TDRD9: variants seen among roughly 807,000 people sequenced by gnomAD.
TDRD9 encodes tudor domain containing 9.
Under a neutral mutation model 172.6 loss-of-function variants are expected in TDRD9, and 124 were observed. That is an observed-to-expected ratio of 0.72 (90% CI 0.62 to 0.83). The LOEUF (loss-of-function observed/expected upper bound fraction) is 0.83, where lower values mean the gene tolerates loss of function less well. Ranked by LOEUF, TDRD9 falls within the 40% of genes least tolerant of loss-of-function variation. The pLI is 0.00. For synonymous variants in TDRD9, 619 were observed against 617.1 expected, an observed-to-expected ratio of 1.00 and a Z score of -0.05; for missense variants, 1,479 against 1,714.1, an observed-to-expected ratio of 0.86 and a Z score of 2.42.
Position 103,986,318 on chromosome 14 carries a change from T to G in TDRD9, c.1113T>G (p.Ser371Arg). 6.2e-7 allele frequency: 1 copy of G among 1,600,334 alleles called. No homozygotes were observed. Residue 371 changes from serine to arginine, a missense_variant and splice_region_variant, in exon 8 of 36, where the codon AGT becomes AGG. By Grantham distance (110) the Ser-to-Arg change is moderately radical. Coordinates refer to ENST00000409874, the MANE Select transcript of TDRD9 (RefSeq NM_153046.3). The stretch of plus-strand genomic sequence containing the variant: ...TTGATGACTTGGATATGAAGGAGAG[T>G]GGGTAAGAGATACTTCAGTTGGTAA... ...QMFDDLDMKE[S>R]GNKAWSGAQF...
chr14:104,026,323 T>C (rs1048343091), intron 27 of TDRD9, among the ~76,000 whole-genome samples, 187 bp downstream of exon 27: 26 of 152,204 alleles, frequency 1.7e-4, no homozygotes, highest in Non-Finnish European at 3.5e-4. Context: ...CATGAAAGGA[T>C]TCAGATTTAG....
chr14:104,047,688 G>C (rs2035821816), intron 34 of TDRD9, among the ~76,000 whole-genome samples: 1 of 152,130 alleles, frequency 6.6e-6, no homozygotes, highest in Non-Finnish European at 1.5e-5. Context: ...TTGAGGCTCT[G>C]GTCACTCTTC....
rs201736204 is a variant in TDRD9, at chr14:104,052,004, G to A, written c.4071G>A (p.Glu1357=). The A allele has an allele frequency of 6.3e-6, 10 of 1,596,102 alleles. No individual in the cohort carries two copies. In the African/African-American group the frequency reaches 1.3e-4, roughly 21 times the overall value. The stretch of plus-strand genomic sequence containing the variant: ...AGGTTGATCCAAAGCTGGTCATGGA[G>A]CAGGCCGACCGTGAGAGCAGCAGAG... ...WNQVDPKLVM[E]QADRESSRGK... The change falls in exon 36 of 36, where the codon GAG becomes GAA. Residue 1357 remains glutamate (E), a synonymous_variant. Transcript: ENST00000409874.
rs1328571211 is a variant in TDRD9 at position 103,980,669 on chromosome 14, C to T, written c.1011+5116C>T. 2.2e-4 allele frequency among the ~76,000 whole-genome samples: 34 copies of T among 152,084 alleles called. No individual in the cohort carries two copies. The highest frequency in any genetic ancestry group is 2.1e-4 in the South Asian group (1 of 4,828). On this transcript the variant is annotated intron_variant, in intron 7 of 35. Coordinates refer to ENST00000409874, the MANE Select transcript of TDRD9 (RefSeq NM_153046.3). The surrounding 1 kb of genome is among the most constrained non-coding windows in gnomAD (Gnocchi z 4.5). ...GTGGAGGAGCAGAGTCTTCTCTAAA[C>T]TACCCCAGGGAAAGGGAGACTCCCT...
intron 1 of TDRD9, among the ~76,000 whole-genome samples, chr14:103,952,708 T>C (rs1210645131): frequency 1.3e-5 from 2 of 149,654 alleles, no homozygotes; most frequent in Non-Finnish European, 3.0e-5. Context: ...CTTATCTTAG[T>C]GATTTATAGG....
At chr14:103,959,633 T>G (rs2032415083) in intron 2 of TDRD9, among the ~76,000 whole-genome samples, 2 of 152,212 alleles carry the variant, frequency 1.3e-5, no homozygotes, top group Admixed American at 6.5e-5. Flanking sequence ...TAAAATAATT[T>G]GATTCAAAAC....
chr14:103,966,874 T>C (rs2032774065), intron 5 of TDRD9, 43 bp downstream of exon 5: 2 of 1,510,414 alleles, frequency 1.3e-6, no homozygotes, highest in East Asian at 2.5e-5. Flanking sequence ...TTTATCTCTC[T>C]TAAAAAAACT....
intron 7 of TDRD9, among the ~76,000 whole-genome samples, chr14:103,983,056 C>CTT (rs397853010): frequency 0.013 from 1,179 of 87,588 alleles, 32 homozygotes; most frequent in African/African-American, 0.028. Context: ...CTGTGGGTCA[C>CTT]TTTTTTTTTT....
intron 28 of TDRD9, 110 bp downstream of exon 28, chr14:104,027,049 C>T: frequency 8.4e-7 from 1 of 1,192,656 alleles, no homozygotes; most frequent in East Asian, 2.5e-5. Flanking sequence ...TGTTCCTCTT[C>T]ACCATTTGGT....
At chr14:103,968,284 C>T (rs928522223) in intron 5 of TDRD9, among the ~76,000 whole-genome samples, 8 of 152,202 alleles carry the variant, frequency 5.3e-5, no homozygotes, top group African/African-American at 9.7e-5. Context: ...CTGTCTGGTG[C>T]GGTGTCAGCA....
chr14:103,928,984 C>T (rs1284137263), intron 1 of TDRD9: 1 of 183,864 alleles, frequency 5.4e-6, no homozygotes, highest in Non-Finnish European at 1.1e-5. Context: ...TTGAGGCACT[C>T]AGGTTTTCAG....
rs1351352956 is a variant in TDRD9, at chr14:103,986,274, G to C, written c.1069G>C (p.Val357Leu). The part of the protein sequence containing the change: ...VITKDIYEVA[V>L]SLIQMFDDLD... ...AACTAAGGATATATATGAAGTTGCT[G>C]TCTCTCTCATTCAGATGTTTGATGA... Residue 357 changes from valine to leucine, a missense_variant, in exon 8 of 36, where the codon GTC becomes CTC. Val to Leu is a conservative substitution (Grantham distance 32). Around this residue, in one of 3 missense-constraint regions of TDRD9, gnomAD observed 1,413 missense variants for 1,649.1 expected, o/e 0.86. Transcript: ENST00000409874. 4 of 1,613,380 alleles carry C rather than the reference G, an allele frequency of 2.5e-6. No individual in the cohort carries two copies. The highest frequency in any genetic ancestry group is 2.2e-5 in the East Asian group (1 of 44,868).
chr14:104,032,680 C>G (rs1486884333), intron 30 of TDRD9, among the ~76,000 whole-genome samples: 1 of 152,210 alleles, frequency 6.6e-6, no homozygotes, highest in Admixed American at 6.5e-5. Context: ...TGAGAGCCCA[C>G]TGTATGCCAG....
At chr14:104,037,984 C>T (rs907403968) in intron 32 of TDRD9, among the ~76,000 whole-genome samples, 5 of 152,228 alleles carry the variant, frequency 3.3e-5, no homozygotes, top group Non-Finnish European at 7.3e-5. Flanking sequence ...TCCATGGTAG[C>T]AGAGCCTGGC....
At chr14:103,988,179 A>ATT (rs201857042) in intron 8 of TDRD9, among the ~76,000 whole-genome samples, 31 of 143,770 alleles carry the variant, frequency 2.2e-4, no homozygotes, top group Non-Finnish European at 4.0e-4. Context: ...TGAGTGGGAT[A>ATT]TTTTTTTTTT....
intron 32 of TDRD9, 79 bp from the exon 33 acceptor site, chr14:104,040,117 A>G (rs948186333): frequency 4.0e-6 from 5 of 1,257,632 alleles, no homozygotes; most frequent in Non-Finnish European, 5.1e-6. Flanking sequence ...GGATAATTTT[A>G]TCGGTCAATT....
chr14:104,004,297 G>C lies in TDRD9; in HGVS notation c.1543G>C (p.Asp515His). ...CCGGCTGGTACACAAGGATTTCTGG[G>C]ACAACTCCATCCCTGATCATGTTGT... ...CYRLVHKDFW[D>H]NSIPDHVVPE... Residue 515 changes from aspartate to histidine, a missense_variant, in exon 14 of 36, where the codon GAC (aspartate) becomes CAC (histidine). Transcript: ENST00000409874. 1 of 1,604,736 alleles carries C rather than the reference G, an allele frequency of 6.2e-7. No homozygotes were observed. The highest frequency in any genetic ancestry group is 8.5e-7 in the Non-Finnish European group (1 of 1,173,214).
At chr14:103,952,521 A>G (rs140956280) in intron 1 of TDRD9, among the ~76,000 whole-genome samples, 3,543 of 150,872 alleles carry the variant, frequency 0.023, 81 homozygotes, top group East Asian at 0.072. Context: ...GATTACAGGC[A>G]TGAGCCACTG....
chr14:103,996,083 A>C (rs769921820), intron 12 of TDRD9, among the ~76,000 whole-genome samples: 7 of 152,138 alleles, frequency 4.6e-5, no homozygotes, highest in Non-Finnish European at 8.8e-5. Context: ...CGGGGCTGCC[A>C]GGTGGAGTTC....
Sources: gnomAD v4.1 joint callset for allele counts (sites outside exome capture counted in the v4.1 genomes callset) on GRCh38, gnomAD v4.1.1 for gene constraint, gnomAD v4.1.1 regional missense constraint, Gnocchi (gnomAD v3.1) non-coding constraint, MANE v1.5 for transcripts, NCBI Gene and HGNC (gene_info 2026-07-23, HGNC 2026-07-21) for gene names.